LYPLAL1: variants seen among roughly 807,000 people sequenced by gnomAD.
LYPLAL1 encodes lysophospholipase like 1.
Under a neutral mutation model 19.7 loss-of-function variants are expected in LYPLAL1, and 23 were observed. That is an observed-to-expected ratio of 1.17 (90% confidence interval 0.84 to 1.65). The LOEUF is 1.65. Among genes scored for constraint, LYPLAL1 ranks in the 40% most tolerant of loss-of-function variants. The probability of loss-of-function intolerance (pLI) is 0.00; values close to 1 mark genes in which losing one functional copy is unlikely to be tolerated. For synonymous variants in LYPLAL1, 119 were observed against 96.3 expected (o/e 1.24, Z -1.38); for missense variants, 355 against 279.4 (o/e 1.27, Z -1.93).
At chr1:219,179,105 T>C (rs2125023544) in intron 1 of LYPLAL1, 42 bp from the exon 2 acceptor site, 2 of 1,368,090 alleles carry the variant, frequency 1.5e-6, no homozygotes, top group South Asian at 1.3e-5. Context: ...TGCATTGTAT[T>C]ACTAAAATAT....
At chr1:219,241,925 C>G in the LYPLAL1 span, among the ~76,000 whole-genome samples, 1 of 152,100 alleles carries the variant, frequency 6.6e-6, no homozygotes, top group African/African-American at 2.4e-5. Flanking sequence ...ATTACAGATG[C>G]AAAGTTGTCA....
the LYPLAL1 span, among the ~76,000 whole-genome samples, chr1:219,283,686 T>C: frequency 6.6e-6 from 1 of 151,972 alleles, no homozygotes; most frequent in African/African-American, 2.4e-5. Context: ...CAAAAAAAAA[T>C]TTATTAGGAA....
the LYPLAL1 span, among the ~76,000 whole-genome samples, chr1:219,395,614 A>C: frequency 3.3e-5 from 5 of 152,174 alleles, no homozygotes; most frequent in Admixed American, 3.3e-4. Flanking sequence ...AGAAGCTCTT[A>C]AGTTTAATTT....
chr1:219,378,712 A>G, the LYPLAL1 span, among the ~76,000 whole-genome samples: 9 of 152,114 alleles, frequency 5.9e-5, no homozygotes, highest in Non-Finnish European at 2.9e-5. Context: ...GCATAATGAG[A>G]CATGGAGTGC....
the LYPLAL1 span, among the ~76,000 whole-genome samples, chr1:219,387,952 C>G: frequency 5.1e-3 from 780 of 152,258 alleles, 6 homozygotes; most frequent in Non-Finnish European, 6.3e-3. Context: ...TATTTCTGTA[C>G]TTTTCTCCAT....
chr1:219,269,348 A>C, the LYPLAL1 span, among the ~76,000 whole-genome samples: 1 of 152,218 alleles, frequency 6.6e-6, no homozygotes, highest in Non-Finnish European at 1.5e-5. Context: ...CATGGAATGA[A>C]GGCATGCCAA....
intron 2 of LYPLAL1, among the ~76,000 whole-genome samples, chr1:219,180,734 A>C (rs2125029143): frequency 6.6e-6 from 1 of 152,236 alleles, no homozygotes; most frequent in East Asian, 1.9e-4. Context: ...AGACCACTGA[A>C]AACCTTATTC....
the LYPLAL1 span, among the ~76,000 whole-genome samples, chr1:219,391,064 G>A: frequency 2.0e-5 from 3 of 152,146 alleles, no homozygotes; most frequent in South Asian, 4.1e-4. Flanking sequence ...ATCTTTTACC[G>A]AAGTCAGTTT....
At chr1:219,384,795 C>G in the LYPLAL1 span, among the ~76,000 whole-genome samples, 1 of 152,192 alleles carries the variant, frequency 6.6e-6, no homozygotes, top group Non-Finnish European at 1.5e-5. Flanking sequence ...TCCTAAATAA[C>G]CTGGCATTGA....
chr1:219,312,108 AT>A, the LYPLAL1 span, among the ~76,000 whole-genome samples: 1 of 152,158 alleles, frequency 6.6e-6, no homozygotes, highest in African/African-American at 2.4e-5. Context: ...ATGCTGGTGC[AT>A]TGGACAGTTT....
chr1:219,313,143 G>A, the LYPLAL1 span, among the ~76,000 whole-genome samples: 2 of 152,056 alleles, frequency 1.3e-5, no homozygotes, highest in Admixed American at 6.5e-5. Context: ...GTAGAGCCAT[G>A]TGCTGTGACC....
the LYPLAL1 span, among the ~76,000 whole-genome samples, chr1:219,423,715 G>T: frequency 2.0e-5 from 3 of 152,026 alleles, no homozygotes; most frequent in South Asian, 6.2e-4. Context: ...ACCCTGAAAG[G>T]ATATCAAAGC....
chr1:219,293,451 C>G, the LYPLAL1 span, among the ~76,000 whole-genome samples: 2 of 152,102 alleles, frequency 1.3e-5, no homozygotes, highest in South Asian at 2.1e-4. Context: ...CTCTCTCCCC[C>G]CAGCTCTCTC....
chr1:219,286,035 C>G, the LYPLAL1 span, among the ~76,000 whole-genome samples: 1 of 152,114 alleles, frequency 6.6e-6, no homozygotes, highest in Non-Finnish European at 1.5e-5. Context: ...AAACAACCAG[C>G]CGCAGTGCAT....
At chr1:219,399,930 C>T in the LYPLAL1 span, among the ~76,000 whole-genome samples, 1 of 152,204 alleles carries the variant, frequency 6.6e-6, no homozygotes, top group African/African-American at 2.4e-5. Context: ...CTGGTCTCTA[C>T]ATCAGCTGGC....
chr1:219,201,785 A>G (rs151311198), intron 3 of LYPLAL1, among the ~76,000 whole-genome samples: 2 of 152,320 alleles, frequency 1.3e-5, no homozygotes, highest in African/African-American at 4.8e-5. Context: ...AATTATACAC[A>G]TGCCACAAAA....
At chr1:219,265,138 G>C in the LYPLAL1 span, among the ~76,000 whole-genome samples, 3 of 152,140 alleles carry the variant, frequency 2.0e-5, no homozygotes, top group African/African-American at 7.2e-5. Flanking sequence ...AGAATGCCTG[G>C]AGGGCTGACA....
chr1:219,284,075 T>G, the LYPLAL1 span, among the ~76,000 whole-genome samples: 1 of 152,214 alleles, frequency 6.6e-6, no homozygotes, highest in Non-Finnish European at 1.5e-5. Flanking sequence ...TCAGGAGATC[T>G]GATGATTTTG....
chr1:219,372,530 T>C, the LYPLAL1 span, among the ~76,000 whole-genome samples: 1 of 152,166 alleles, frequency 6.6e-6, no homozygotes, highest in African/African-American at 2.4e-5. Flanking sequence ...CTCTGAATTC[T>C]GAGATAACAA....
Sources: allele counts gnomAD v4.1 joint callset (sites outside exome capture counted in the v4.1 genomes callset), GRCh38; gene constraint gnomAD v4.1.1; transcripts MANE v1.5; gene names NCBI Gene and HGNC (gene_info 2026-07-23, HGNC 2026-07-21).